MYO1D: variants seen among roughly 807,000 people sequenced by gnomAD.
MYO1D encodes unconventional myosin-Id.
In MYO1D, 83 loss-of-function variants were observed where a neutral mutation model predicts 122.0. The ratio of observed to expected loss-of-function variants is 0.68; its 90% confidence interval spans 0.57 to 0.82. MYO1D has a LOEUF of 0.82. Ranked by LOEUF, MYO1D falls within the 40% of genes least tolerant of loss-of-function variation. MYO1D has a pLI of 0.00. For missense variants in MYO1D, 1,157 were observed against 1,269.5 expected (o/e 0.91, Z 1.35); for synonymous variants, 464 against 446.9 (o/e 1.04, Z -0.48).
At chr17:32,814,946 G>A (rs1028230679) in intron 1 of MYO1D, among the ~76,000 whole-genome samples, 1 of 152,212 alleles carries the variant, frequency 6.6e-6, no homozygotes, top group Non-Finnish European at 1.5e-5. Context: ...GCCAACAAAA[G>A]TGGCAGAGAA....
intron 1 of MYO1D, among the ~76,000 whole-genome samples, chr17:32,867,250 C>T (rs2466866): frequency 0.48 from 72,042 of 149,860 alleles, 17,842 homozygotes; most frequent in Non-Finnish European, 0.55. Context: ...TGCTTGAACC[C>T]AGGAGGCGGA....
chr17:32,582,763 T>C (rs1882345856), intron 21 of MYO1D, among the ~76,000 whole-genome samples: 1 of 152,200 alleles, frequency 6.6e-6, no homozygotes, highest in Non-Finnish European at 1.5e-5. Context: ...AATTTCCAAA[T>C]ATAATTGTAG....
At chr17:32,567,408 C>A (rs2087183875) in intron 21 of MYO1D, among the ~76,000 whole-genome samples, 1 of 152,240 alleles carries the variant, frequency 6.6e-6, no homozygotes, top group African/African-American at 2.4e-5. Context: ...ACATGTGCCA[C>A]ACCTGTGCTG....
At chr17:32,571,768 T>C (rs967735196) in intron 21 of MYO1D, among the ~76,000 whole-genome samples, 1 of 152,206 alleles carries the variant, frequency 6.6e-6, no homozygotes, top group Non-Finnish European at 1.5e-5. Context: ...CCAGAAAATC[T>C]GATTTTGTCG....
intron 20 of MYO1D, among the ~76,000 whole-genome samples, chr17:32,616,358 G>A (rs2087768546): frequency 6.6e-6 from 1 of 152,110 alleles, no homozygotes; most frequent in South Asian, 2.1e-4. Context: ...TGTTGCCCAG[G>A]CTGGAGTGCA....
chr17:32,865,414 C>T (rs1440229219), intron 1 of MYO1D, among the ~76,000 whole-genome samples: 1 of 152,054 alleles, frequency 6.6e-6, no homozygotes, highest in Admixed American at 6.6e-5. Flanking sequence ...CATATGTGAA[C>T]CTTGTGAATA....
At chr17:32,622,089 G>A (rs1289508964) in intron 20 of MYO1D, among the ~76,000 whole-genome samples, 1 of 152,024 alleles carries the variant, frequency 6.6e-6, no homozygotes, top group Non-Finnish European at 1.5e-5. Flanking sequence ...ACTGTGTATT[G>A]GGCCTTGCCT....
chr17:32,677,259 A>G (rs2088825406), intron 16 of MYO1D, among the ~76,000 whole-genome samples: 1 of 152,132 alleles, frequency 6.6e-6, no homozygotes, highest in Admixed American at 6.5e-5. Flanking sequence ...ACATTAGGGG[A>G]ATTGAATCAT....
Position 32,659,149 on chromosome 17 carries a change from G to A in MYO1D, c.2311C>T (p.Arg771Cys). 2 of 1,614,096 alleles carry A rather than the reference G, an allele frequency of 1.2e-6. No homozygotes were observed. The highest frequency in any genetic ancestry group is 1.7e-6 in the Non-Finnish European group (2 of 1,180,022). Residue 771 changes from arginine to cysteine, a missense_variant, in exon 17 of 22, where the codon CGT becomes TGT. Transcript: ENST00000318217. ...ATCGTCTGCAGGGCCTCCTCAAAAC[G>A]GCGAAGAACTTTAGGAGGGCTTGGC... ...KWPSPPKVLR[R>C]FEEALQTIFN...
At chr17:32,777,855 A>G (rs1379640867) in intron 3 of MYO1D, among the ~76,000 whole-genome samples, 1 of 152,062 alleles carries the variant, frequency 6.6e-6, no homozygotes, top group African/African-American at 2.4e-5. Flanking sequence ...AATGGCATGA[A>G]CCCGGGAGGC....
chr17:32,780,881 T>G (rs1465766962), intron 1 of MYO1D, 97 bp from the exon 2 acceptor site: 2 of 1,190,928 alleles, frequency 1.7e-6, no homozygotes, highest in African/African-American at 3.0e-5. Flanking sequence ...AGTCCAAATA[T>G]CCTAGGAATG....
At chr17:32,677,871 CTTTT>C (rs1359025429) in intron 16 of MYO1D, among the ~76,000 whole-genome samples, 1 of 152,006 alleles carries the variant, frequency 6.6e-6, no homozygotes, top group Non-Finnish European at 1.5e-5. Context: ...ATCTGCCCTT[CTTTT>C]TTGTCTTTTT....
In MYO1D at chr17:32,654,501, G is replaced by A. The variant is rs2088446344; in HGVS notation, c.2466C>T (p.Ala822=). 7.4e-6 allele frequency: 12 copies of A among 1,613,708 alleles called. No individual in the cohort carries two copies. Among genetic ancestry groups the A allele is most frequent in the Non-Finnish European group, 8.5e-6 (10 of 1,179,822 alleles). ...CTGAAGCAAGATAGTTGCCCTCCCA[G>A]GCCCTCTGGAGCCCGAGGTCAGCCC... ...GQRADLGLQR[A]WEGNYLASKP... is the part of the protein sequence containing the mutation. The change falls in exon 18 of 22, where the codon GCC becomes GCT. Residue 822 remains alanine, a synonymous_variant. Transcript: ENST00000318217.
chr17:32,681,268 T>C (rs2088912964), intron 16 of MYO1D, among the ~76,000 whole-genome samples: 1 of 150,226 alleles, frequency 6.7e-6, no homozygotes. Flanking sequence ...CTGCTCTGAT[T>C]TTAGTTATTT....
intron 1 of MYO1D, among the ~76,000 whole-genome samples, chr17:32,787,128 A>G (rs1425471203): frequency 6.6e-6 from 1 of 152,188 alleles, no homozygotes; most frequent in Non-Finnish European, 1.5e-5. Flanking sequence ...AGCTCAAGAA[A>G]AAAACCAGAA....
At chr17:32,511,952 C>A (rs1234311136) in intron 21 of MYO1D, among the ~76,000 whole-genome samples, 1 of 152,108 alleles carries the variant, frequency 6.6e-6, no homozygotes, top group Non-Finnish European at 1.5e-5. Context: ...ACCTGAGAAT[C>A]GAACATTGAA....
chr17:32,514,725 A>G (rs929629749), intron 21 of MYO1D, among the ~76,000 whole-genome samples: 7 of 152,248 alleles, frequency 4.6e-5, no homozygotes, highest in Non-Finnish European at 1.0e-4. Flanking sequence ...GATTTTTCTC[A>G]GATACTGATC....
At chr17:32,830,830 C>T (rs553039334) in intron 1 of MYO1D, among the ~76,000 whole-genome samples, 2 of 152,112 alleles carry the variant, frequency 1.3e-5, no homozygotes, top group Admixed American at 6.5e-5. Context: ...GAGATCGAGG[C>T]GGGCAGATCA....
chr17:32,612,696 C>CAAAAAAAAAAA (rs1158470135), intron 20 of MYO1D, among the ~76,000 whole-genome samples: 8 of 104,616 alleles, frequency 7.6e-5, no homozygotes, highest in African/African-American at 1.1e-4. Context: ...AAAAAAAAAA[C>CAAAAAAAAAAA]AAAAAAAAAA....
Sources: allele counts gnomAD v4.1 joint callset (sites outside exome capture counted in the v4.1 genomes callset), GRCh38; gene constraint gnomAD v4.1.1; transcripts MANE v1.5; gene names NCBI Gene and HGNC (gene_info 2026-07-23, HGNC 2026-07-21).